Variants in MRRF observed in about 807,000 individuals in gnomAD.
The protein encoded by MRRF is mitochondrial ribosome recycling factor.
MRRF carries 18 observed loss-of-function variants against 25.1 expected under a neutral mutation model. The observed-to-expected ratio is 0.72, with a 90% CI of 0.50 to 1.06. The LOEUF (loss-of-function observed/expected upper bound fraction) is 1.06, where lower values mean the gene tolerates loss of function less well. MRRF is among the 50% of genes least tolerant of loss of function. MRRF has a pLI of 0.00. For synonymous variants in MRRF, 113 were observed against 112.1 expected (o/e 1.01, Z -0.05); for missense variants, 323 against 319.3 (o/e 1.01, Z -0.09).
intron 3 of MRRF, among the ~76,000 whole-genome samples, chr9:122,282,484 T>C (rs1245128278): frequency 6.6e-6 from 1 of 152,202 alleles, no homozygotes; most frequent in Non-Finnish European, 1.5e-5. Flanking sequence ...CCAACATGTA[T>C]AAAACTATAC....
intron 4 of MRRF, among the ~76,000 whole-genome samples, chr9:122,288,780 G>T (rs963035533): frequency 8.5e-5 from 13 of 152,106 alleles, no homozygotes; most frequent in Admixed American, 4.6e-4. Flanking sequence ...TTATTTTTTT[G>T]TTGTTGTTGC....
At chr9:122,288,026 G>A (rs1833518632) in intron 4 of MRRF, among the ~76,000 whole-genome samples, 1 of 152,126 alleles carries the variant, frequency 6.6e-6, no homozygotes, top group Non-Finnish European at 1.5e-5. Flanking sequence ...TCCGTGTCAT[G>A]CTGTAGTGAC....
At chr9:122,269,165 CAAA>C (rs750976352) in intron 1 of MRRF, among the ~76,000 whole-genome samples, 2 of 105,036 alleles carry the variant, frequency 1.9e-5, no homozygotes, top group Admixed American at 1.1e-4. Flanking sequence ...GACTCTGTCT[CAAA>C]AAAAAAAAAA....
rs183063002 is a variant in MRRF, at chr9:122,265,800, G to A, written c.-29+862G>A. The stretch of plus-strand genomic sequence containing the variant: ...GATAAGGTAGGCATACTGGAATCCA[G>A]ATCTCTTAACTCTTAGGCAAAAGCC... On this transcript the variant is annotated intron_variant, in intron 1 of 6. Transcript: ENST00000344641. 11 of 1,277,796 alleles carry A rather than the reference G, an allele frequency of 8.6e-6. No individual in the cohort carries two copies. The East Asian group carries it at 6.1e-4, about 71-fold the overall frequency. The allele number at this position is 1,277,796 out of a possible 1,614,324, so 79.2% of individuals were successfully genotyped here. A position where few individuals can be genotyped will look rare whatever the true frequency, so the allele number is the denominator to read the frequency against.
intron 5 of MRRF, among the ~76,000 whole-genome samples, chr9:122,303,418 T>C (rs1440026880): frequency 6.6e-6 from 1 of 151,976 alleles, no homozygotes; most frequent in African/African-American, 2.4e-5. Flanking sequence ...GGCTTTTACT[T>C]TGTCACTCAG....
chr9:122,317,505 T>C (rs1835609169), intron 6 of MRRF, among the ~76,000 whole-genome samples: 1 of 152,188 alleles, frequency 6.6e-6, no homozygotes, highest in South Asian at 2.1e-4. Context: ...GTCTATAAAT[T>C]TCTGACTGTG....
chr9:122,285,083 C>G (rs1833303318), intron 3 of MRRF, 86 bp from the exon 4 acceptor site: 1 of 860,364 alleles, frequency 1.2e-6, no homozygotes, highest in African/African-American at 1.7e-5. Context: ...GCCACTGCAT[C>G]CAACCTGAAT....
At position 122,297,168 on chromosome 9, in the gene MRRF, C is replaced by T. The variant is rs368414801; in HGVS notation, c.551+5328C>T. On this transcript the variant is annotated intron_variant, in intron 5 of 6. Coordinates refer to ENST00000344641, the MANE Select transcript of MRRF (RefSeq NM_138777.5). ...TCTCTACTAAAAATACAAAAATTAG[C>T]TGGGCATGGTGGCGTGCGCCTGTAA... Among the ~76,000 whole-genome samples, 10 of 152,236 alleles carry T rather than the reference C, an allele frequency of 6.6e-5. 1 individual carries two copies. The highest frequency in any genetic ancestry group is 1.9e-4 in the African/African-American group (8 of 41,542).
At chr9:122,275,736 C>G (rs547500579) in intron 2 of MRRF, among the ~76,000 whole-genome samples, 1 of 152,234 alleles carries the variant, frequency 6.6e-6, no homozygotes, top group African/African-American at 2.4e-5. Flanking sequence ...GTAATGTCCT[C>G]CGGGTTCATC....
rs1323301967 is a variant in MRRF at position 122,329,181 on chromosome 9, CTT to C, written c.*6565_*6566del. 6.6e-6 allele frequency: 1 copy of C among 152,152 alleles called. No individual in the cohort carries two copies. The highest frequency in any genetic ancestry group is 1.9e-4 in the East Asian group (1 of 5,196). 9.4% of individuals were successfully genotyped at this position (152,152 alleles called of 1,614,324 possible). ...GTATTCCTTTAATTGTGATGCATCT[CTT>C]ACAACTACCCTGATACCACCAGTGC... On this transcript the variant is annotated 3_prime_UTR_variant, in exon 7 of 7. Coordinates refer to ENST00000344641, the MANE Select transcript of MRRF (RefSeq NM_138777.5).
chr9:122,269,122 T>C (rs1470081411), intron 1 of MRRF, among the ~76,000 whole-genome samples: 1 of 150,530 alleles, frequency 6.6e-6, no homozygotes, highest in Non-Finnish European at 1.5e-5. Context: ...GCCGAGATCG[T>C]GCCACTGCAC....
intron 5 of MRRF, among the ~76,000 whole-genome samples, chr9:122,302,306 C>T (rs1271132026): frequency 6.6e-6 from 1 of 152,168 alleles, no homozygotes; most frequent in Non-Finnish European, 1.5e-5. Context: ...TTCTTCATCA[C>T]CCCAAAAAGA....
chr9:122,287,461 TCTC>T (rs1362588736), intron 4 of MRRF, among the ~76,000 whole-genome samples: 2 of 152,236 alleles, frequency 1.3e-5, no homozygotes, highest in African/African-American at 4.8e-5. Context: ...CACTGAGGCC[TCTC>T]CTCCTTGTTC....
intron 6 of MRRF, among the ~76,000 whole-genome samples, chr9:122,319,147 CTT>C (rs35949709): frequency 2.5e-5 from 3 of 121,028 alleles, no homozygotes; most frequent in Admixed American, 1.7e-4. Context: ...TTCTTTCTTT[CTT>C]TTTTTTTTTT....
intron 2 of MRRF, among the ~76,000 whole-genome samples, chr9:122,278,759 T>C (rs1832922593): frequency 6.6e-6 from 1 of 152,256 alleles, no homozygotes; most frequent in Non-Finnish European, 1.5e-5. Context: ...GGATAATTTG[T>C]CTTTTCTCTT....
intron 5 of MRRF, among the ~76,000 whole-genome samples, chr9:122,301,184 T>C (rs949487748): frequency 1.3e-5 from 2 of 152,198 alleles, no homozygotes; most frequent in South Asian, 2.1e-4. Flanking sequence ...CCTTGAGTTA[T>C]AGTTCCTCAG....
intron 5 of MRRF, among the ~76,000 whole-genome samples, chr9:122,301,824 C>T (rs753857152): frequency 6.6e-6 from 1 of 151,730 alleles, no homozygotes; most frequent in Non-Finnish European, 1.5e-5. Flanking sequence ...ACCTCCACCT[C>T]CCAGGTTCAA....
Position 122,325,425 on chromosome 9 carries a change from T to C in MRRF, c.*2808T>C, listed in dbSNP as rs1836104452. On this transcript the variant is annotated 3_prime_UTR_variant, in exon 7 of 7. Transcript: ENST00000344641. The stretch of plus-strand genomic sequence containing the variant: ...TGACAGGGACAAGAATGAGACTACC[T>C]GTTTGGATGTGCTGAGAATGAGTAA... 3 of 152,230 alleles carry C rather than the reference T, an allele frequency of 2.0e-5. No individual in the cohort carries two copies. Among genetic ancestry groups the C allele is most frequent in the South Asian group, 4.1e-4 (2 of 4,830 alleles). The allele number at this position is 152,230 out of a possible 1,614,324, so 9.4% of individuals were successfully genotyped here.
In MRRF at chr9:122,270,925, CACCCT is replaced by C; in HGVS notation, c.38_42del (p.Pro13LeufsTer22). ...GGGATTAAAGTGCTTCCGCATGGTC[CACCCT>C]ACCTTTCGCAATTATCTTGCAGCCT... On this transcript the variant is annotated frameshift_variant, in exon 2 of 7. Coordinates refer to ENST00000344641, the MANE Select transcript of MRRF (RefSeq NM_138777.5). LOFTEE classifies it high-confidence loss of function. 1 of 1,614,124 alleles carries C rather than the reference CACCCT, an allele frequency of 6.2e-7. No homozygotes were observed. The highest frequency in any genetic ancestry group is 1.1e-5 in the South Asian group (1 of 91,086).
Sources: gnomAD v4.1 joint callset for allele counts (sites outside exome capture counted in the v4.1 genomes callset) on GRCh38, gnomAD v4.1.1 for gene constraint, MANE v1.5 for transcripts, NCBI Gene and HGNC (gene_info 2026-07-23, HGNC 2026-07-21) for gene names.